KIF11: variants seen among roughly 807,000 people sequenced by gnomAD.
KIF11 encodes kinesin family member 11.
KIF11 carries 9 observed loss-of-function variants against 121.0 expected under a neutral mutation model. The ratio of observed to expected loss-of-function variants is 0.07; its 90% CI spans 0.04 to 0.13. KIF11 has a LOEUF of 0.13. Ranked by LOEUF, KIF11 falls within the 10% of genes least tolerant of loss-of-function variation. KIF11 has a pLI of 1.00. For missense variants in KIF11, 846 were observed against 1,217.5 expected (o/e 0.69, Z 4.54); for synonymous variants, 408 against 421.0 (o/e 0.97, Z 0.38).
chr10:92,648,060 A>T, intron 18 of KIF11, 152 bp from the exon 19 acceptor site: 1 of 584,974 alleles, frequency 1.7e-6, no homozygotes, highest in Non-Finnish European at 3.0e-6. Flanking sequence ...AGTGAGCACT[A>T]CTCATGCCAC....
At chr10:92,608,808 G>T (rs933695789) in intron 4 of KIF11, among the ~76,000 whole-genome samples, 1 of 152,212 alleles carries the variant, frequency 6.6e-6, no homozygotes, top group African/African-American at 2.4e-5. Context: ...TGGCTAAGAA[G>T]TGTGACAGGT....
chr10:92,600,375 A>G (rs1166663482), intron 1 of KIF11, among the ~76,000 whole-genome samples: 1 of 152,178 alleles, frequency 6.6e-6, no homozygotes. Context: ...TTTATCACAT[A>G]GGTAAACCTG....
At chr10:92,608,878 A>T in intron 4 of KIF11, 142 bp from the exon 5 acceptor site, 1 of 512,924 alleles carries the variant, frequency 1.9e-6, no homozygotes, top group Non-Finnish European at 3.4e-6. Context: ...CTCTAACATT[A>T]GGTTAGTTGT....
intron 1 of KIF11, among the ~76,000 whole-genome samples, chr10:92,599,105 A>G (rs961254808): frequency 6.6e-6 from 1 of 151,670 alleles, no homozygotes; most frequent in African/African-American, 2.4e-5. Context: ...TTTTCATTTT[A>G]TAAGTCTTTC....
chr10:92,628,833 C>A lies in KIF11; in HGVS notation c.1243C>A (p.Gln415Lys). Residue 415 changes from glutamine to lysine, a missense_variant, in exon 11 of 22, where the codon CAA becomes AAA. Gln to Lys is a moderately conservative substitution (Grantham distance 53). Transcript: ENST00000260731. ...FRVMSGKLTV[Q>K]EEQIVELIEK... The stretch of plus-strand genomic sequence containing the variant: ...AGTCATGAGTGGAAAATTAACTGTT[C>A]AAGAAGAGCAGATTGTAGAATTGAT... 1 of 1,600,166 alleles carries A rather than the reference C, an allele frequency of 6.2e-7. No homozygotes were observed. The highest frequency in any genetic ancestry group is 1.1e-5 in the South Asian group (1 of 90,280).
At chr10:92,616,400 A>G (rs545448458) in intron 8 of KIF11, among the ~76,000 whole-genome samples, 11 of 151,960 alleles carry the variant, frequency 7.2e-5, no homozygotes, top group Admixed American at 3.3e-4. Flanking sequence ...GGATCTCCCT[A>G]TGTTGCCAAG....
chr10:92,603,291 G>T (rs1589588673), intron 1 of KIF11, among the ~76,000 whole-genome samples: 2 of 117,270 alleles, frequency 1.7e-5, no homozygotes, highest in Admixed American at 1.0e-4. Context: ...TTGAGACAGA[G>T]TCTCGCTCTG....
chr10:92,650,568 C>A, intron 21 of KIF11, 51 bp downstream of exon 21: 1 of 994,052 alleles, frequency 1.0e-6, no homozygotes, highest in Non-Finnish European at 1.6e-6. Context: ...CATTCATTTA[C>A]TATTCATTAT....
chr10:92,617,727 T>C (rs1235164408), intron 9 of KIF11, among the ~76,000 whole-genome samples: 1 of 149,100 alleles, frequency 6.7e-6, no homozygotes, highest in African/African-American at 2.6e-5. Flanking sequence ...TTCAGTACGG[T>C]TTTTTTGTTT....
intron 8 of KIF11, among the ~76,000 whole-genome samples, chr10:92,615,777 C>T (rs1352775962): frequency 4.0e-5 from 6 of 151,710 alleles, no homozygotes; most frequent in Admixed American, 1.3e-4. Flanking sequence ...CTGTGTTGTA[C>T]CAGCAATACT....
chr10:92,624,459 G>A (rs111333834), intron 10 of KIF11, among the ~76,000 whole-genome samples: 7,615 of 151,730 alleles, frequency 0.05, 268 homozygotes, highest in Middle Eastern at 0.086. Context: ...GGCTGGTCTT[G>A]AATTCCTGGC....
intron 1 of KIF11, among the ~76,000 whole-genome samples, chr10:92,597,737 C>T (rs1304239750): frequency 1.3e-5 from 2 of 151,872 alleles, no homozygotes; most frequent in Non-Finnish European, 2.9e-5. Context: ...CTGCAACCTC[C>T]GCCTCCTGGG....
intron 1 of KIF11, among the ~76,000 whole-genome samples, chr10:92,598,525 G>A (rs775617386): frequency 1.3e-5 from 2 of 152,180 alleles, no homozygotes; most frequent in South Asian, 4.1e-4. Context: ...ATCAGGAAGT[G>A]TGAGTCCTCC....
At chr10:92,639,763 A>G (rs1243331775) in intron 16 of KIF11, 31 bp from the exon 17 acceptor site, 1 of 1,257,926 alleles carries the variant, frequency 7.9e-7, no homozygotes, top group South Asian at 1.2e-5. Context: ...CATAATTTTA[A>G]GTCTCTTCAC....
At chr10:92,621,323 G>A in intron 9 of KIF11, 62 bp from the exon 10 acceptor site, 1 of 918,426 alleles carries the variant, frequency 1.1e-6, no homozygotes, top group Non-Finnish European at 1.7e-6. Context: ...TTTGTTGCAT[G>A]TCCTTCCCAA....
rs2135902906 is a variant in KIF11, at chr10:92,609,428, A to G, written c.617A>G (p.Asn206Ser). ...GGTTTAGAAGAAATTACAGTACACA[A>G]CAAGGATGAAGTCTATCAAATTTTA... ...IKGLEEITVH[N>S]KDEVYQILEK... The change falls in exon 6 of 22, where the codon AAC becomes AGC. Residue 206 changes from asparagine to serine, a missense_variant. This residue lies in a region of KIF11 where 116 missense variants were observed against 285.3 expected (regional missense o/e 0.41). Coordinates refer to ENST00000260731, the MANE Select transcript of KIF11 (RefSeq NM_004523.4). 2 of 1,613,812 alleles carry G rather than the reference A, an allele frequency of 1.2e-6. No homozygotes were observed. The highest frequency in any genetic ancestry group is 1.1e-5 in the South Asian group (1 of 91,062).
intron 16 of KIF11, 74 bp downstream of exon 16, chr10:92,637,619 C>T: frequency 7.2e-7 from 1 of 1,387,424 alleles, no homozygotes. Flanking sequence ...GATAATTAAT[C>T]TATGTTACAC....
At chr10:92,632,435 G>C (rs1310751047) in intron 12 of KIF11, 51 bp from the exon 13 acceptor site, 1 of 1,173,476 alleles carries the variant, frequency 8.5e-7, no homozygotes, top group South Asian at 1.3e-5. Flanking sequence ...ACTTTCATCA[G>C]ATTCCTTTCA....
At chr10:92,645,202 G>A (rs1238922520) in intron 17 of KIF11, among the ~76,000 whole-genome samples, 161 bp from the exon 18 acceptor site, 1 of 152,164 alleles carries the variant, frequency 6.6e-6, no homozygotes, top group African/African-American at 2.4e-5. Context: ...CAGTGGCCAA[G>A]GCATCCATTC....
Sources: gnomAD v4.1 joint callset for allele counts (sites outside exome capture counted in the v4.1 genomes callset) on GRCh38, gnomAD v4.1.1 for gene constraint, gnomAD v4.1.1 regional missense constraint, MANE v1.5 for transcripts, NCBI Gene and HGNC (gene_info 2026-07-23, HGNC 2026-07-21) for gene names.